SUMF1: variants seen among roughly 807,000 people sequenced by gnomAD.
SUMF1 encodes formylglycine-generating enzyme.
SUMF1 carries 48 observed loss-of-function variants against 47.6 expected under a neutral mutation model. That is an observed-to-expected ratio of 1.01 (90% CI 0.80 to 1.28). The LOEUF is 1.28. SUMF1 is among the 50% of genes most tolerant of loss of function. The pLI, the probability that SUMF1 is intolerant of heterozygous loss-of-function variation, is 0.00. For missense variants in SUMF1, 571 were observed against 485.4 expected, an observed-to-expected ratio of 1.18 and a Z score of -1.66; for synonymous variants, 230 against 192.1, an observed-to-expected ratio of 1.20 and a Z score of -1.63.
intron 8 of SUMF1, among the ~76,000 whole-genome samples, chr3:4,223,243 G>A (rs1329561470): frequency 6.6e-6 from 1 of 152,118 alleles, no homozygotes; most frequent in Non-Finnish European, 1.5e-5. Flanking sequence ...AAAGTACGTG[G>A]TTAAGAGAAA....
At chr3:4,104,267 C>A (rs536004395) in intron 8 of SUMF1, among the ~76,000 whole-genome samples, 1 of 152,078 alleles carries the variant, frequency 6.6e-6, no homozygotes, top group African/African-American at 2.4e-5. Flanking sequence ...CTCTCGTCTG[C>A]CACCATGTAA....
chr3:4,124,351 T>A (rs1241912720), intron 8 of SUMF1, among the ~76,000 whole-genome samples: 1 of 152,134 alleles, frequency 6.6e-6, no homozygotes, highest in African/African-American at 2.4e-5. Context: ...ATGAGGTCAG[T>A]TTGGTACAAG....
At chr3:4,216,205 G>A (rs144795680) in intron 8 of SUMF1, among the ~76,000 whole-genome samples, 1 of 152,108 alleles carries the variant, frequency 6.6e-6, no homozygotes. Context: ...ATAGATCAAT[G>A]GAACAGAACA....
At chr3:4,218,879 G>A (rs1259209349) in intron 8 of SUMF1, among the ~76,000 whole-genome samples, 2 of 152,140 alleles carry the variant, frequency 1.3e-5, no homozygotes, top group African/African-American at 4.8e-5. Flanking sequence ...TTGGGTTTCA[G>A]CATGTGTGGG....
At chr3:4,124,120 G>C (rs776033965) in intron 8 of SUMF1, among the ~76,000 whole-genome samples, 1 of 152,040 alleles carries the variant, frequency 6.6e-6, no homozygotes, top group African/African-American at 2.4e-5. Context: ...ATTTCTTTTT[G>C]TCTTTTTCTT....
chr3:4,274,459 T>C (rs1296724773), intron 8 of SUMF1, among the ~76,000 whole-genome samples: 1 of 152,246 alleles, frequency 6.6e-6, no homozygotes, highest in Non-Finnish European at 1.5e-5. Context: ...ACATTATTCT[T>C]ATTTAATGAA....
intron 1 of SUMF1, among the ~76,000 whole-genome samples, chr3:4,458,814 C>A (rs1319512689): frequency 1.3e-5 from 2 of 152,144 alleles, no homozygotes; most frequent in Non-Finnish European, 2.9e-5. Flanking sequence ...CGAGATGGAG[C>A]CACTGCACTC....
At chr3:4,216,489 T>G (rs908945446) in intron 8 of SUMF1, among the ~76,000 whole-genome samples, 1 of 152,120 alleles carries the variant, frequency 6.6e-6, no homozygotes, top group East Asian at 1.9e-4. Flanking sequence ...GGGCAAAGAC[T>G]TCATGACTAA....
intron 8 of SUMF1, among the ~76,000 whole-genome samples, chr3:4,110,310 C>A (rs917950649): frequency 1.3e-5 from 2 of 152,078 alleles, no homozygotes; most frequent in Non-Finnish European, 2.9e-5. Flanking sequence ...AGTACCCAGA[C>A]ATGTGAGGTA....
chr3:4,442,775 C>T (rs901204980), intron 3 of SUMF1, among the ~76,000 whole-genome samples: 4 of 151,934 alleles, frequency 2.6e-5, no homozygotes, highest in African/African-American at 4.8e-5. Flanking sequence ...AGTGAAGTTA[C>T]AAAGCTACCC....
chr3:4,399,035 G>A (rs1701124017), intron 7 of SUMF1, among the ~76,000 whole-genome samples: 1 of 152,118 alleles, frequency 6.6e-6, no homozygotes, highest in Non-Finnish European at 1.5e-5. Context: ...TAAAAAATGA[G>A]TCCAAGACCA....
At chr3:4,075,682 C>G (rs1692417225) in intron 8 of SUMF1, among the ~76,000 whole-genome samples, 1 of 152,030 alleles carries the variant, frequency 6.6e-6, no homozygotes, top group Non-Finnish European at 1.5e-5. Flanking sequence ...CACAGGCATT[C>G]CTACATACCA....
At chr3:4,385,884 T>C (rs1337357050) in intron 7 of SUMF1, among the ~76,000 whole-genome samples, 1 of 152,218 alleles carries the variant, frequency 6.6e-6, no homozygotes, top group Non-Finnish European at 1.5e-5. Flanking sequence ...TTGAAAAGCC[T>C]TTCTTTCCTT....
intron 8 of SUMF1, among the ~76,000 whole-genome samples, chr3:4,153,567 G>A (rs1298326506): frequency 1.3e-5 from 2 of 148,588 alleles, no homozygotes; most frequent in East Asian, 3.9e-4. Context: ...ACTGTTCAAT[G>A]ACAGAGGAAC....
chr3:4,368,287 A>G (rs1700047996), intron 8 of SUMF1, among the ~76,000 whole-genome samples: 2 of 152,334 alleles, frequency 1.3e-5, no homozygotes, highest in Admixed American at 6.5e-5. Context: ...CCACAATGAG[A>G]TATCATCTCA....
intron 9 of SUMF1, among the ~76,000 whole-genome samples, chr3:4,042,711 A>T (rs917807467): frequency 1.3e-5 from 2 of 152,144 alleles, no homozygotes; most frequent in African/African-American, 4.8e-5. Context: ...ATTCCCAAAT[A>T]AATATTTTTT....
chr3:4,181,205 T>C (rs1487098116), intron 8 of SUMF1, among the ~76,000 whole-genome samples: 1 of 152,126 alleles, frequency 6.6e-6, no homozygotes, highest in Non-Finnish European at 1.5e-5. Context: ...CATTTTTTAA[T>C]TCATGTTTTC....
intron 8 of SUMF1, among the ~76,000 whole-genome samples, chr3:4,308,261 CT>C (rs1698268985): frequency 1.3e-5 from 2 of 152,188 alleles, no homozygotes; most frequent in African/African-American, 4.8e-5. Flanking sequence ...GAAAGTTTAA[CT>C]CCAGAACTTA....
chr3:4,257,884 A>G (rs1224481106), intron 8 of SUMF1, among the ~76,000 whole-genome samples: 1 of 151,280 alleles, frequency 6.6e-6, no homozygotes, highest in Non-Finnish European at 1.5e-5. Flanking sequence ...ACAGTAACCA[A>G]AACAGCATGG....
Sources: gnomAD v4.1 joint callset for allele counts (sites outside exome capture counted in the v4.1 genomes callset) on GRCh38, gnomAD v4.1.1 for gene constraint, MANE v1.5 for transcripts, NCBI Gene and HGNC (gene_info 2026-07-23, HGNC 2026-07-21) for gene names.